HECW1: variants seen among roughly 807,000 people sequenced by gnomAD.
The protein encoded by HECW1 is E3 ubiquitin-protein ligase HECW1.
A neutral mutation model predicts 182.3 loss-of-function variants in HECW1; 61 were observed. The observed-to-expected ratio is 0.33, with a 90% confidence interval of 0.27 to 0.41. The LOEUF (loss-of-function observed/expected upper bound fraction) is 0.41. Among genes scored for constraint, HECW1 ranks in the 10% least tolerant of loss-of-function variants. The pLI, the probability that HECW1 is intolerant of heterozygous loss-of-function variation, is 1.00. For missense variants in HECW1, 1,739 were observed against 2,108.9 expected, an observed-to-expected ratio of 0.82 and a Z score of 3.44; for synonymous variants, 859 against 832.6, an observed-to-expected ratio of 1.03 and a Z score of -0.55.
intron 1 of HECW1, chr7:43,113,791 C>T (rs1784832502): frequency 8.7e-6 from 2 of 229,828 alleles, no homozygotes; most frequent in Non-Finnish European, 1.7e-5. Context: ...CCCCTCCATC[C>T]CCGGCTCCAG....
intron 9 of HECW1, among the ~76,000 whole-genome samples, chr7:43,441,794 A>C (rs1017452747): frequency 3.3e-5 from 5 of 152,174 alleles, no homozygotes; most frequent in Non-Finnish European, 7.3e-5. Flanking sequence ...ACAAAATGTT[A>C]CTCTTCTTTT....
chr7:43,543,563 G>A (rs2081439269), intron 26 of HECW1, among the ~76,000 whole-genome samples: 1 of 152,088 alleles, frequency 6.6e-6, no homozygotes, highest in Non-Finnish European at 1.5e-5. Flanking sequence ...CAGATCACCT[G>A]AGGTCAGGAG....
intron 24 of HECW1, among the ~76,000 whole-genome samples, chr7:43,512,528 G>C (rs2079927521): frequency 6.6e-6 from 1 of 152,174 alleles, no homozygotes; most frequent in Non-Finnish European, 1.5e-5. Context: ...GAGCTAAATG[G>C]ATCTATTTTG....
chr7:43,395,020 G>A (rs2075179209), intron 6 of HECW1, among the ~76,000 whole-genome samples: 1 of 135,226 alleles, frequency 7.4e-6, no homozygotes, highest in African/African-American at 2.8e-5. Context: ...CTGGGTGGGG[G>A]CCACAAAATC....
At chr7:43,203,091 C>T (rs180944532) in intron 2 of HECW1, among the ~76,000 whole-genome samples, 354 of 152,252 alleles carry the variant, frequency 2.3e-3, no homozygotes, top group African/African-American at 8.1e-3. Flanking sequence ...CACACGGACG[C>T]GCGTGACACT....
chr7:43,150,684 C>T (rs976509046), intron 2 of HECW1, among the ~76,000 whole-genome samples: 1 of 152,176 alleles, frequency 6.6e-6, no homozygotes, highest in African/African-American at 2.4e-5. Flanking sequence ...AGGCCTGGAT[C>T]AGCATTTTAA....
intron 2 of HECW1, among the ~76,000 whole-genome samples, chr7:43,218,496 G>A (rs1034390932): frequency 1.3e-5 from 2 of 152,196 alleles, no homozygotes; most frequent in African/African-American, 2.4e-5. Flanking sequence ...GAGAAGGGAA[G>A]GAAGCAAGGA....
chr7:43,145,392 C>T (rs926742951), intron 2 of HECW1, among the ~76,000 whole-genome samples: 29 of 152,146 alleles, frequency 1.9e-4, no homozygotes, highest in African/African-American at 7.0e-4. Flanking sequence ...ACCTCCTGGG[C>T]TCAGGCGATC....
At chr7:43,132,056 T>C (rs1786989031) in intron 2 of HECW1, among the ~76,000 whole-genome samples, 1 of 152,226 alleles carries the variant, frequency 6.6e-6, no homozygotes, top group Non-Finnish European at 1.5e-5. Flanking sequence ...GCAAATGCAA[T>C]CCTATCCACT....
intron 24 of HECW1, among the ~76,000 whole-genome samples, chr7:43,523,877 C>T (rs1196008365): frequency 1.3e-5 from 2 of 152,060 alleles, no homozygotes; most frequent in African/African-American, 2.4e-5. Flanking sequence ...CAAGTGGAGC[C>T]ATTCATACTC....
intron 29 of HECW1, among the ~76,000 whole-genome samples, chr7:43,561,356 A>G (rs1323024091): frequency 6.6e-6 from 1 of 152,186 alleles, no homozygotes; most frequent in Non-Finnish European, 1.5e-5. Flanking sequence ...TTGAATGGAG[A>G]ACTGGATCTC....
At chr7:43,244,265 T>C (rs141938496) in intron 3 of HECW1, among the ~76,000 whole-genome samples, 1 of 152,334 alleles carries the variant, frequency 6.6e-6, no homozygotes, top group African/African-American at 2.4e-5. Context: ...CCGCTGTCTA[T>C]GGGTAATTGC....
At chr7:43,493,442 A>AGTC (rs2079008867) in intron 19 of HECW1, among the ~76,000 whole-genome samples, 1 of 152,226 alleles carries the variant, frequency 6.6e-6, no homozygotes, top group South Asian at 2.1e-4. Context: ...GGGGAAGGAC[A>AGTC]GAAAGGAAAC....
chr7:43,145,441 A>G (rs1259241037), intron 2 of HECW1, among the ~76,000 whole-genome samples: 1 of 152,116 alleles, frequency 6.6e-6, no homozygotes, highest in East Asian at 1.9e-4. Flanking sequence ...GACCACAGAT[A>G]TGTGCCACCA....
At chr7:43,547,012 G>A (rs1057211437) in intron 26 of HECW1, among the ~76,000 whole-genome samples, 1 of 152,134 alleles carries the variant, frequency 6.6e-6, no homozygotes, top group Non-Finnish European at 1.5e-5. Flanking sequence ...ATGGTGTCTG[G>A]GAATTCGTCT....
At chr7:43,163,430 G>T (rs567727394) in intron 2 of HECW1, among the ~76,000 whole-genome samples, 1 of 152,188 alleles carries the variant, frequency 6.6e-6, no homozygotes, top group Non-Finnish European at 1.5e-5. Context: ...TTCTGTCCGG[G>T]GGGAGGTGCT....
At chr7:43,179,825 T>C (rs1050735088) in intron 2 of HECW1, among the ~76,000 whole-genome samples, 3 of 152,184 alleles carry the variant, frequency 2.0e-5, no homozygotes, top group African/African-American at 7.2e-5. Context: ...AGAGTTCATT[T>C]TTGAAAACAT....
At chr7:43,176,754 G>A (rs953796783) in intron 2 of HECW1, among the ~76,000 whole-genome samples, 6 of 152,188 alleles carry the variant, frequency 3.9e-5, no homozygotes, top group East Asian at 1.9e-4. Context: ...GCTGCATGGC[G>A]GACTAAGTTT....
intron 7 of HECW1, among the ~76,000 whole-genome samples, chr7:43,397,811 A>G (rs1237638438): frequency 6.6e-6 from 1 of 152,170 alleles, no homozygotes. Flanking sequence ...CTGGATGTAT[A>G]TGTGCAGGTC....
Sources: allele counts gnomAD v4.1 joint callset (sites outside exome capture counted in the v4.1 genomes callset), GRCh38; gene constraint gnomAD v4.1.1; transcripts MANE v1.5; gene names NCBI Gene and HGNC (gene_info 2026-07-23, HGNC 2026-07-21).